CDK5RAP2: variants seen among roughly 807,000 people sequenced by gnomAD.
CDK5RAP2 encodes CDK5 regulatory subunit associated protein 2.
A neutral mutation model predicts 232.9 loss-of-function variants in CDK5RAP2; 147 were observed. That is an observed-to-expected ratio of 0.63 (90% CI 0.55 to 0.72). CDK5RAP2 has a LOEUF of 0.72. Ranked by LOEUF, CDK5RAP2 falls within the 30% of genes least tolerant of loss-of-function variation. CDK5RAP2 has a pLI of 0.00. For synonymous variants in CDK5RAP2, 833 were observed against 833.7 expected (o/e 1.00, Z 0.01); for missense variants, 2,195 against 2,231.5 (o/e 0.98, Z 0.33).
chr9:120,542,980 G>C (rs369533245), intron 5 of CDK5RAP2, among the ~76,000 whole-genome samples: 1 of 152,192 alleles, frequency 6.6e-6, no homozygotes, highest in East Asian at 1.9e-4. Flanking sequence ...GAGGTCTGCT[G>C]GAGCAGAGTT....
At chr9:120,498,537 G>T (rs901175218) in intron 12 of CDK5RAP2, among the ~76,000 whole-genome samples, 1 of 152,130 alleles carries the variant, frequency 6.6e-6, no homozygotes, top group African/African-American at 2.4e-5. Flanking sequence ...GGGAAAACTG[G>T]CAGAATTCAA....
chr9:120,527,697 A>C, intron 10 of CDK5RAP2, 109 bp downstream of exon 10: 1 of 1,219,388 alleles, frequency 8.2e-7, no homozygotes, highest in Non-Finnish European at 1.2e-6. Flanking sequence ...TTTCTATACT[A>C]CCTCAGCTCT....
intron 35 of CDK5RAP2, among the ~76,000 whole-genome samples, chr9:120,395,745 T>A (rs534143896): frequency 6.6e-6 from 1 of 152,202 alleles, no homozygotes; most frequent in Non-Finnish European, 1.5e-5. Flanking sequence ...AGTAAGCCCA[T>A]GAAATATGTG....
rs199622080 is a variant in CDK5RAP2 at position 120,471,753 on chromosome 9, C to T, written c.1853G>A (p.Arg618Gln). Residue 618 changes from arginine to glutamine, a missense_variant, in exon 16 of 38, where the codon CGG becomes CAG. Arg to Gln is a conservative substitution (Grantham distance 43). Transcript: ENST00000349780. ...LEEQISEIRR[R>Q]EEESFSLYSD... is the part of the protein sequence containing the mutation. Reference sequence around the variant, plus strand: ...ACATAGAATAAAGTGTGTACCTTCCCGCCTCCGAATTTCGCTGATCTGCTC... The same window carrying T: ...ACATAGAATAAAGTGTGTACCTTCCTGCCTCCGAATTTCGCTGATCTGCTC... 1.7e-5 allele frequency: 27 copies of T among 1,614,112 alleles called. No individual in the cohort carries two copies. Among genetic ancestry groups the T allele is most frequent in the Non-Finnish European group, 2.3e-5 (27 of 1,179,976 alleles).
At chr9:120,568,749 T>G in intron 2 of CDK5RAP2, among the ~76,000 whole-genome samples, 1 of 152,126 alleles carries the variant, frequency 6.6e-6, no homozygotes, top group Non-Finnish European at 1.5e-5. Flanking sequence ...CACATCTAAC[T>G]GACTTGACAG....
chr9:120,517,854 G>A, intron 12 of CDK5RAP2: 1 of 387,658 alleles, frequency 2.6e-6, no homozygotes, highest in Non-Finnish European at 5.2e-6. Flanking sequence ...GAGCCCAGGA[G>A]TTCAGGAACA....
chr9:120,508,304 A>G (rs112979250), intron 12 of CDK5RAP2, among the ~76,000 whole-genome samples: 1,981 of 152,318 alleles, frequency 0.013, 48 homozygotes, highest in African/African-American at 0.044. Flanking sequence ...TTGCTCCTGC[A>G]GGCTGTGGCG....
At chr9:120,475,063 G>GT (rs758921025) in intron 15 of CDK5RAP2, among the ~76,000 whole-genome samples, 2 of 152,222 alleles carry the variant, frequency 1.3e-5, no homozygotes, top group Non-Finnish European at 2.9e-5. Flanking sequence ...ATGCCAGGAA[G>GT]TATTAGGTCT....
chr9:120,438,500 C>T (rs1224457707), intron 24 of CDK5RAP2, among the ~76,000 whole-genome samples: 1 of 152,134 alleles, frequency 6.6e-6, no homozygotes, highest in Admixed American at 6.5e-5. Flanking sequence ...CATGAGTAAA[C>T]ATGGGTACTG....
intron 4 of CDK5RAP2, among the ~76,000 whole-genome samples, chr9:120,546,514 A>T (rs2041847204): frequency 6.6e-6 from 1 of 152,244 alleles, no homozygotes; most frequent in Non-Finnish European, 1.5e-5. Context: ...CTACAAATGT[A>T]TCCCAGACAG....
At chr9:120,550,520 C>T (rs533450724) in intron 4 of CDK5RAP2, among the ~76,000 whole-genome samples, 6 of 152,312 alleles carry the variant, frequency 3.9e-5, no homozygotes, top group Non-Finnish European at 7.4e-5. Context: ...TTCTAAAGAA[C>T]ACGTAATTAT....
chr9:120,490,637 T>G (rs1422786916), intron 13 of CDK5RAP2, among the ~76,000 whole-genome samples: 1 of 152,228 alleles, frequency 6.6e-6, no homozygotes, highest in East Asian at 1.9e-4. Context: ...CCTTAACACT[T>G]GCCCATCCAC....
intron 3 of CDK5RAP2, among the ~76,000 whole-genome samples, chr9:120,562,469 C>G (rs2042496636): frequency 6.6e-6 from 1 of 152,152 alleles, no homozygotes; most frequent in African/African-American, 2.4e-5. Flanking sequence ...GCAAAAACCC[C>G]TAGCACCGTC....
At chr9:120,445,054 G>A (rs2036106633) in intron 22 of CDK5RAP2, among the ~76,000 whole-genome samples, 1 of 152,062 alleles carries the variant, frequency 6.6e-6, no homozygotes, top group Admixed American at 6.5e-5. Flanking sequence ...TCCTGCCCTG[G>A]TACTCATTTC....
chr9:120,491,253 TA>T (rs1348210410), intron 13 of CDK5RAP2, 53 bp downstream of exon 13: 8 of 1,298,042 alleles, frequency 6.2e-6, no homozygotes, highest in East Asian at 2.3e-5. Context: ...AATTATTTTT[TA>T]AAAAAATCAA....
At chr9:120,410,973 A>T (rs1308456466) in intron 29 of CDK5RAP2, among the ~76,000 whole-genome samples, 3 of 152,226 alleles carry the variant, frequency 2.0e-5, no homozygotes, top group African/African-American at 7.2e-5. Flanking sequence ...GAAATCACTA[A>T]TTGAGATTTT....
At chr9:120,522,384 G>A (rs2040711225) in intron 11 of CDK5RAP2, among the ~76,000 whole-genome samples, 1 of 152,122 alleles carries the variant, frequency 6.6e-6, no homozygotes, top group African/African-American at 2.4e-5. Flanking sequence ...ATACTGCCAT[G>A]GCAAGAATGT....
At chr9:120,467,713 A>C (rs1588417383) in intron 18 of CDK5RAP2, 147 bp downstream of exon 18, 1 of 790,926 alleles carries the variant, frequency 1.3e-6, no homozygotes, top group Non-Finnish European at 2.2e-6. Flanking sequence ...TGGTGTAATC[A>C]CAGCTCACTG....
At chr9:120,518,402 G>T (rs1313457584) in intron 12 of CDK5RAP2, 25 bp downstream of exon 12, 5 of 1,596,686 alleles carry the variant, frequency 3.1e-6, no homozygotes, top group Non-Finnish European at 4.3e-6. Flanking sequence ...TGTCCACTGT[G>T]TCAGAAGGGC....
Sources: allele counts gnomAD v4.1 joint callset (sites outside exome capture counted in the v4.1 genomes callset), GRCh38; gene constraint gnomAD v4.1.1; transcripts MANE v1.5; gene names NCBI Gene and HGNC (gene_info 2026-07-23, HGNC 2026-07-21).